The following EMID1 variants were observed in gnomAD, a reference collection of about 807,000 sequenced individuals.
The protein encoded by EMID1 is EMI domain containing 1, also known as EMI domain-containing protein 1.
A neutral mutation model predicts 60.6 loss-of-function variants in EMID1; 40 were observed. The observed-to-expected ratio is 0.66, with a 90% CI of 0.51 to 0.86. EMID1 has a LOEUF of 0.86. Among genes scored for constraint, EMID1 ranks in the 40% least tolerant of loss-of-function variants. EMID1 has a pLI of 0.00. For synonymous variants in EMID1, 242 were observed against 231.0 expected (o/e 1.05, Z -0.43); for missense variants, 585 against 597.1 (o/e 0.98, Z 0.21).
chr22:29,239,056 C>T, intron 12 of EMID1, among the ~76,000 whole-genome samples: 1 of 143,484 alleles, frequency 7.0e-6, no homozygotes, highest in Admixed American at 6.9e-5. Context: ...ATATTTACAT[C>T]TTTTGTAATT....
intron 10 of EMID1, 63 bp from the exon 11 acceptor site, chr22:29,234,073 TC>T: frequency 6.5e-7 from 1 of 1,543,088 alleles, no homozygotes; most frequent in Non-Finnish European, 8.8e-7. Flanking sequence ...ACACCTCTGT[TC>T]CCAAGCCCCT....
intron 5 of EMID1, among the ~76,000 whole-genome samples, chr22:29,229,872 C>T (rs781249706): frequency 6.6e-6 from 1 of 152,200 alleles, no homozygotes; most frequent in Non-Finnish European, 1.5e-5. Context: ...CAGGCCCCCA[C>T]GATCCCTGAG....
chr22:29,216,713 C>T (rs1298610565), intron 3 of EMID1: 1 of 959,314 alleles, frequency 1.0e-6, no homozygotes, highest in African/African-American at 1.8e-5. Context: ...TGACTGAGGC[C>T]CAGTGAGGTG....
At chr22:29,255,255 C>T (rs1470966535) in intron 14 of EMID1, 2 of 1,246,600 alleles carry the variant, frequency 1.6e-6, no homozygotes, top group South Asian at 3.0e-5. Flanking sequence ...GTCTGCTCTT[C>T]TCCATCTCCC....
At position 29,225,148 on chromosome 22, in the gene EMID1, C is replaced by A; in HGVS notation, c.335C>A (p.Ala112Asp). ...CATCCCTTAGTTGCAGCTTCCTCTG[C>A]CTCCTTGGAGCCCATGTGGTCGGGC... ...VSCEEVAASS[A>D]SLEPMWSGST... Residue 112 changes from alanine (A) to aspartate (D), a missense_variant, in exon 4 of 15, where the codon GCC becomes GAC. Ala to Asp is a moderately radical substitution (Grantham distance 126). Transcript: ENST00000334018. The A allele has an allele frequency of 6.2e-7, 1 of 1,613,962 alleles. No homozygotes were observed. The highest frequency in any genetic ancestry group is 8.5e-7 in the Non-Finnish European group (1 of 1,179,992).
intron 3 of EMID1, among the ~76,000 whole-genome samples, chr22:29,221,221 C>G (rs915479087): frequency 4.1e-5 from 6 of 145,900 alleles, no homozygotes; most frequent in Non-Finnish European, 7.6e-5. Flanking sequence ...GCCTTCAGGG[C>G]CCCCCTGAGA....
chr22:29,240,533 G>C (rs2041115496), intron 12 of EMID1, among the ~76,000 whole-genome samples: 1 of 152,092 alleles, frequency 6.6e-6, no homozygotes, highest in Admixed American at 6.5e-5. Flanking sequence ...TCGTGACTTG[G>C]ATGGAATCCA....
At chr22:29,243,244 A>G (rs2041215549) in intron 12 of EMID1, among the ~76,000 whole-genome samples, 1 of 152,188 alleles carries the variant, frequency 6.6e-6, no homozygotes, top group African/African-American at 2.4e-5. Context: ...TTAAGGGTTG[A>G]ATATTCTCCA....
At chr22:29,249,368 G>A (rs996670453) in intron 13 of EMID1, among the ~76,000 whole-genome samples, 1 of 152,040 alleles carries the variant, frequency 6.6e-6, no homozygotes, top group Non-Finnish European at 1.5e-5. Flanking sequence ...CCAGGTTCAA[G>A]CCATTCTCCT....
At chr22:29,213,764 C>A (rs1456365734) in intron 1 of EMID1, among the ~76,000 whole-genome samples, 1 of 152,174 alleles carries the variant, frequency 6.6e-6, no homozygotes, top group Non-Finnish European at 1.5e-5. Flanking sequence ...GACTTTCTTC[C>A]TGCCCTCAAG....
chr22:29,216,212 AC>A, intron 3 of EMID1: 1 of 706,706 alleles, frequency 1.4e-6, no homozygotes. Context: ...CACTGTGTGT[AC>A]CTCTGGGTGG....
At chr22:29,234,610 C>G (rs1382184954) in intron 12 of EMID1, among the ~76,000 whole-genome samples, 3 of 152,198 alleles carry the variant, frequency 2.0e-5, no homozygotes, top group Non-Finnish European at 4.4e-5. Context: ...CATTTACACT[C>G]TATCTCTCCA....
chr22:29,229,345 TAAAAA>T (rs891723088), intron 5 of EMID1, among the ~76,000 whole-genome samples: 1 of 149,696 alleles, frequency 6.7e-6, no homozygotes, highest in African/African-American at 2.5e-5. Flanking sequence ...TCTCTAAAAT[TAAAAA>T]AAAGAAGATG....
chr22:29,226,446 C>T (rs758047036), intron 4 of EMID1, 44 bp from the exon 5 acceptor site: 6 of 1,602,866 alleles, frequency 3.7e-6, no homozygotes, highest in Non-Finnish European at 5.1e-6. Flanking sequence ...TGAGGGGAAG[C>T]CTAGGACCCT....
intron 1 of EMID1, among the ~76,000 whole-genome samples, chr22:29,206,980 G>A (rs1281049472): frequency 6.6e-6 from 1 of 152,216 alleles, no homozygotes; most frequent in Non-Finnish European, 1.5e-5. Flanking sequence ...TGCAGCCCCA[G>A]CGAGGGTCCC....
intron 3 of EMID1, among the ~76,000 whole-genome samples, chr22:29,223,916 T>G (rs1053275770): frequency 6.6e-6 from 1 of 152,224 alleles, no homozygotes; most frequent in African/African-American, 2.4e-5. Flanking sequence ...ACCTTCCTTG[T>G]AGGATTGAGC....
intron 4 of EMID1, among the ~76,000 whole-genome samples, chr22:29,226,018 C>T (rs537596971): frequency 1.5e-4 from 23 of 152,292 alleles, no homozygotes; most frequent in African/African-American, 5.1e-4. Flanking sequence ...CTGGCCCCAG[C>T]CCTGCCCAGG....
chr22:29,243,363 CT>C, intron 12 of EMID1, 81 bp from the exon 13 acceptor site: 1 of 1,405,996 alleles, frequency 7.1e-7, no homozygotes, highest in Non-Finnish European at 9.9e-7. Flanking sequence ...CCTTTCCCCG[CT>C]CTTTTTCCTC....
chr22:29,258,587 A>G (rs2041790726), intron 14 of EMID1, among the ~76,000 whole-genome samples: 2 of 152,236 alleles, frequency 1.3e-5, no homozygotes, highest in South Asian at 4.1e-4. Flanking sequence ...CTGACAAAGC[A>G]GGAAGCAGAG....
Sources: allele counts gnomAD v4.1 joint callset (sites outside exome capture counted in the v4.1 genomes callset), GRCh38; gene constraint gnomAD v4.1.1; transcripts MANE v1.5; gene names NCBI Gene and HGNC (gene_info 2026-07-23, HGNC 2026-07-21).